The following MTARC1 variants were observed in gnomAD, a reference collection of about 807,000 sequenced individuals.
The protein encoded by MTARC1 is mitochondrial amidoxime reducing component 1.
A neutral mutation model predicts 33.6 loss-of-function variants in MTARC1; 24 were observed. The ratio of observed to expected loss-of-function variants is 0.72; its 90% CI spans 0.52 to 1.01. The LOEUF is 1.01. MTARC1 is among the 50% of genes least tolerant of loss of function. The pLI, the probability that MTARC1 is intolerant of heterozygous loss-of-function variation, is 0.00. For missense variants in MTARC1, 417 were observed against 445.7 expected, an observed-to-expected ratio of 0.94 and a Z score of 0.58; for synonymous variants, 187 against 189.5, an observed-to-expected ratio of 0.99 and a Z score of 0.11.
chr1:220,798,612 T>G, intron 4 of MTARC1: 4 of 974,122 alleles, frequency 4.1e-6, no homozygotes, highest in Non-Finnish European at 4.9e-6. Flanking sequence ...TAAATGGCCT[T>G]TGGCTATTTA....
chr1:220,798,660 TTGG>T, intron 4 of MTARC1: 1 of 890,462 alleles, frequency 1.1e-6, no homozygotes, highest in Non-Finnish European at 1.3e-6. Flanking sequence ...AAGGCAGAGG[TTGG>T]TGGCCTAGAG....
intron 6 of MTARC1, among the ~76,000 whole-genome samples, chr1:220,812,767 C>T (rs1177575345): frequency 1.3e-5 from 2 of 151,974 alleles, no homozygotes; most frequent in Non-Finnish European, 1.5e-5. Context: ...CTCCATTGCC[C>T]AGGCTGGAGC....
rs1311261092 is a variant in MTARC1 at position 220,798,003 on chromosome 1, G to A, written c.742G>A (p.Val248Ile). 3.1e-6 allele frequency: 5 copies of A among 1,614,104 alleles called. No homozygotes were observed. Among genetic ancestry groups the A allele is most frequent in the Non-Finnish European group, 4.2e-6 (5 of 1,180,040 alleles). Reference protein sequence around the residue: ...RPNIVISGCDVYAEDSWDELL... With the variant: ...RPNIVISGCDIYAEDSWDELL... Reference sequence around the variant, plus strand: ...CAATATTGTAATTTCAGGATGCGATGTCTATGCAGAGGTAACACTATGCCC... The same window carrying A: ...CAATATTGTAATTTCAGGATGCGATATCTATGCAGAGGTAACACTATGCCC... Residue 248 changes from valine to isoleucine, a missense_variant, in exon 4 of 7, where the codon GTC becomes ATC. Physicochemically the swap from Val to Ile is conservative, Grantham distance 29. Coordinates refer to ENST00000366910, the MANE Select transcript of MTARC1 (RefSeq NM_022746.4).
intron 6 of MTARC1, among the ~76,000 whole-genome samples, chr1:220,808,250 G>A (rs570101386): frequency 6.6e-6 from 1 of 152,306 alleles, no homozygotes; most frequent in East Asian, 1.9e-4. Context: ...TTTATAGAAG[G>A]AGGATAATTG....
Position 220,813,579 on chromosome 1 carries a change from A to G in MTARC1, c.*161A>G, listed in dbSNP as rs1673206823. 4 of 857,544 alleles carry G rather than the reference A, an allele frequency of 4.7e-6. No individual in the cohort carries two copies. The highest frequency in any genetic ancestry group is 7.1e-6 in the Non-Finnish European group (4 of 565,630). The allele number at this position is 857,544 out of a possible 1,614,324, so 53.1% of individuals were successfully genotyped here. A position where few individuals can be genotyped will look rare whatever the true frequency, so the allele number is the denominator to read the frequency against. On this transcript the variant is annotated 3_prime_UTR_variant, in exon 7 of 7. Transcript: ENST00000366910. ...TGGACTTCTGGTGTCTCAATGCTTC[A>G]ATGTCCCAGTGCAAAAAGTAAAGAA...
intron 4 of MTARC1, among the ~76,000 whole-genome samples, chr1:220,804,569 G>T (rs1375624720): frequency 2.0e-5 from 3 of 152,082 alleles, no homozygotes; most frequent in Non-Finnish European, 2.9e-5. Context: ...TCCTGCTCCT[G>T]ATGTGTCCGT....
rs1227592860 is a variant in MTARC1 at position 220,819,177 on chromosome 1, A to T, written c.*5759A>T. 1 of 152,220 alleles carries T rather than the reference A, an allele frequency of 6.6e-6. No homozygotes were observed. Among genetic ancestry groups the T allele is most frequent in the East Asian group, 1.9e-4 (1 of 5,190 alleles). The allele number at this position is 152,220 out of a possible 1,614,324, so 9.4% of individuals were successfully genotyped here. On this transcript the variant is annotated 3_prime_UTR_variant, in exon 7 of 7. Coordinates refer to ENST00000366910, the MANE Select transcript of MTARC1 (RefSeq NM_022746.4). ...AATTGCTTTAAAAAATGATGTGTGC[A>T]TACTTTAGGAACGTTTTTACCCTTT...
intron 1 of MTARC1, chr1:220,790,895 A>G (rs1672399594): frequency 6.6e-6 from 1 of 152,196 alleles, no homozygotes; most frequent in South Asian, 2.1e-4. Context: ...ACTGGGCCAG[A>G]AGAAAAAAAT....
intron 2 of MTARC1, chr1:220,793,289 T>C (rs1417895651): frequency 6.6e-6 from 1 of 152,220 alleles, no homozygotes; most frequent in Non-Finnish European, 1.5e-5. Context: ...TGGTTAGATA[T>C]TTACCCATAT....
At position 220,796,864 on chromosome 1, in the gene MTARC1, A is replaced by C. The variant is rs895603636; in HGVS notation, c.612+59A>C. 20 of 1,511,756 alleles carry C rather than the reference A, an allele frequency of 1.3e-5. No individual in the cohort carries two copies. The East Asian group carries it at 5.2e-4, about 40-fold the overall frequency. 93.6% of individuals were successfully genotyped at this position (1,511,756 alleles called of 1,614,324 possible). ...CAGTCACCCCCAGATCAGGGGGCTC[A>C]GGTGGCATCTCTGATGACCTCGGCT... On this transcript the variant is annotated intron_variant, in intron 3 of 6. Transcript: ENST00000366910.
rs558279647 is a variant in MTARC1, at chr1:220,813,791, A to G, written c.*373A>G. ...GAGAAAGAGAAGAAGAGAAAGAGGAAGAGTGGGTGGGCTGGAAGAATATCC... is the reference window on the plus strand; with the variant it reads ...GAGAAAGAGAAGAAGAGAAAGAGGAGGAGTGGGTGGGCTGGAAGAATATCC... On this transcript the variant is annotated 3_prime_UTR_variant, in exon 7 of 7. Coordinates refer to ENST00000366910, the MANE Select transcript of MTARC1 (RefSeq NM_022746.4). The G allele has an allele frequency of 1.4e-4, 27 of 198,238 alleles. No homozygotes were observed. Among genetic ancestry groups the G allele is most frequent in the African/African-American group, 6.0e-4 (26 of 43,586 alleles). The allele number at this position is 198,238 out of a possible 1,614,324, so 12.3% of individuals were successfully genotyped here. A position where few individuals can be genotyped will look rare whatever the true frequency, so the allele number is the denominator to read the frequency against.
intron 4 of MTARC1, 115 bp downstream of exon 4, chr1:220,798,129 A>G (rs1256237255): frequency 3.7e-6 from 6 of 1,610,044 alleles, no homozygotes; most frequent in Non-Finnish European, 4.2e-6. Flanking sequence ...CAACTCTGTA[A>G]TACATAACAA....
chr1:220,798,423 G>C, intron 4 of MTARC1: 1 of 1,172,922 alleles, frequency 8.5e-7, no homozygotes, highest in Non-Finnish European at 1.1e-6. Flanking sequence ...TTACTGCAAG[G>C]CTGCTGGGTG....
chr1:220,807,088 T>A (rs1276446976), intron 6 of MTARC1, among the ~76,000 whole-genome samples: 4 of 152,076 alleles, frequency 2.6e-5, no homozygotes, highest in Non-Finnish European at 5.9e-5. Context: ...AAAAAGCTAA[T>A]ATTGTGGAGC....
At chr1:220,789,671 T>G (rs1672363240) in intron 1 of MTARC1, among the ~76,000 whole-genome samples, 1 of 152,190 alleles carries the variant, frequency 6.6e-6, no homozygotes, top group Non-Finnish European at 1.5e-5. Context: ...TAAGTGTCCA[T>G]TGATGGATGA....
chr1:220,812,170 A>G (rs991241844), intron 6 of MTARC1, among the ~76,000 whole-genome samples: 7 of 152,228 alleles, frequency 4.6e-5, no homozygotes, highest in Non-Finnish European at 7.3e-5. Flanking sequence ...CAGAGGACTT[A>G]CCGAGTCAGT....
chr1:220,802,286 T>C (rs1672836525), intron 4 of MTARC1, among the ~76,000 whole-genome samples: 2 of 152,084 alleles, frequency 1.3e-5, no homozygotes, highest in Admixed American at 6.5e-5. Context: ...CAGACTTATG[T>C]GCTCCCACCC....
intron 4 of MTARC1, among the ~76,000 whole-genome samples, chr1:220,804,462 C>T (rs889275328): frequency 1.3e-5 from 2 of 152,124 alleles, no homozygotes; most frequent in East Asian, 1.9e-4. Flanking sequence ...TGCGGTTTGT[C>T]GTGGAAACTA....
At chr1:220,809,002 T>C in intron 6 of MTARC1, 1 of 450,950 alleles carries the variant, frequency 2.2e-6, no homozygotes, top group Non-Finnish European at 4.5e-6. Context: ...TTTTGCTGGA[T>C]GCACGAATAC....
Sources: gnomAD v4.1 joint callset for allele counts (sites outside exome capture counted in the v4.1 genomes callset) on GRCh38, gnomAD v4.1.1 for gene constraint, MANE v1.5 for transcripts, NCBI Gene and HGNC (gene_info 2026-07-23, HGNC 2026-07-21) for gene names.